The following MTNAP1 variants were observed in gnomAD, a reference collection of about 807,000 sequenced individuals.
MTNAP1 encodes the protein mitochondrial nucleoid-associated protein 1.
the MTNAP1 span, among the ~76,000 whole-genome samples, chr17:73,238,281 TCG>T: frequency 2.4e-4 from 9 of 38,280 alleles, no homozygotes; most frequent in Middle Eastern, 0.013. Flanking sequence ...AGCATACCTG[TCG>T]TTTGTAAAGT....
At chr17:73,244,559 C>CAAAAAAAAAA in the MTNAP1 span, 5 of 77,276 alleles carry the variant, frequency 6.5e-5, no homozygotes, top group Non-Finnish European at 9.4e-5. Flanking sequence ...AACTGCATCT[C>CAAAAAAAAAA]AAAAAAAAAA....
chr17:73,232,513 G>A, the MTNAP1 span: 4 of 478,752 alleles, frequency 8.4e-6, no homozygotes, highest in Admixed American at 1.6e-4. Flanking sequence ...GTCAAGCCAG[G>A]TTTCAAATAA....
At chr17:73,236,043 A>C in the MTNAP1 span, 2 of 1,614,056 alleles carry the variant, frequency 1.2e-6, no homozygotes, top group Non-Finnish European at 1.7e-6. Flanking sequence ...ATCAAGATAG[A>C]AAATATTCCT....
the MTNAP1 span, chr17:73,245,344 T>C: frequency 7.2e-7 from 1 of 1,381,172 alleles, no homozygotes. Flanking sequence ...GAATCTAAAA[T>C]AATGATACAG....
At chr17:73,243,093 T>TTTTGTTTTTTTTTTGTTTTTTTTTTG in the MTNAP1 span, 4 of 991,216 alleles carry the variant, frequency 4.0e-6, no homozygotes, top group African/African-American at 6.8e-5. Context: ...TTTTTTTTTT[T>TTTTGTTTTTTTTTTGTTTTTTTTTTG]TTTTTTTTAC....
At chr17:73,245,448 TTTTG>T in the MTNAP1 span, 1 of 1,160,898 alleles carries the variant, frequency 8.6e-7, no homozygotes, top group Non-Finnish European at 1.1e-6. Context: ...GAAAAACTAG[TTTTG>T]TTTAACCATA....
At chr17:73,236,634 T>G in the MTNAP1 span, 1 of 1,614,136 alleles carries the variant, frequency 6.2e-7, no homozygotes, top group Non-Finnish European at 8.5e-7. Context: ...CAACATTTCT[T>G]CAAGAAAAGA....
the MTNAP1 span, among the ~76,000 whole-genome samples, chr17:73,235,127 C>CAG: frequency 2.6e-5 from 4 of 151,530 alleles, no homozygotes; most frequent in African/African-American, 7.3e-5. Context: ...GAGGCTGAGA[C>CAG]GAGAATTGCT....
At chr17:73,246,577 G>A in the MTNAP1 span, among the ~76,000 whole-genome samples, 2 of 152,200 alleles carry the variant, frequency 1.3e-5, no homozygotes, top group Non-Finnish European at 2.9e-5. Flanking sequence ...CAGCCAGCAT[G>A]TGTTGACTTG....
chr17:73,241,730 G>C, the MTNAP1 span, among the ~76,000 whole-genome samples: 1 of 152,280 alleles, frequency 6.6e-6, no homozygotes, highest in East Asian at 1.9e-4. Context: ...AGGAGTTCAA[G>C]ACCAGCCTGG....
chr17:73,239,555 G>T, the MTNAP1 span, among the ~76,000 whole-genome samples: 14 of 134,722 alleles, frequency 1.0e-4, no homozygotes, highest in Non-Finnish European at 1.5e-4. Context: ...GTCTTGCTCT[G>T]TCTCCCAGGC....
chr17:73,236,830 G>C, the MTNAP1 span: 1 of 1,614,090 alleles, frequency 6.2e-7, no homozygotes, highest in Non-Finnish European at 8.5e-7. Context: ...TCATGCTGCA[G>C]CTGCTGGCAG....
chr17:73,236,386 C>T, the MTNAP1 span: 2 of 1,614,048 alleles, frequency 1.2e-6, no homozygotes, highest in Admixed American at 1.7e-5. Context: ...AGGACTTACC[C>T]TGGGAGTAGA....
chr17:73,234,980 C>G, the MTNAP1 span, among the ~76,000 whole-genome samples: 1 of 152,076 alleles, frequency 6.6e-6, no homozygotes, highest in African/African-American at 2.4e-5. Flanking sequence ...CTTTAGGGGG[C>G]TGAGGTGGGT....
chr17:73,243,793 A>C, the MTNAP1 span, among the ~76,000 whole-genome samples: 1 of 152,062 alleles, frequency 6.6e-6, no homozygotes, highest in African/African-American at 2.4e-5. Flanking sequence ...TCGGCCTCCC[A>C]AAGTGCTGGA....
the MTNAP1 span, among the ~76,000 whole-genome samples, chr17:73,239,664 G>T: frequency 6.6e-6 from 1 of 151,620 alleles, no homozygotes; most frequent in Non-Finnish European, 1.5e-5. Flanking sequence ...GATTACAGGT[G>T]CCTGCCACCA....
chr17:73,242,928 A>T, the MTNAP1 span: 1 of 1,613,948 alleles, frequency 6.2e-7, no homozygotes, highest in Non-Finnish European at 8.5e-7. Context: ...CATAAGGAAG[A>T]GTGGATTCGG....
chr17:73,245,496 A>G, the MTNAP1 span: 1 of 985,282 alleles, frequency 1.0e-6, no homozygotes, highest in African/African-American at 1.7e-5. Flanking sequence ...AAGATGACAA[A>G]GTTCATCACT....
At chr17:73,237,068 T>C in the MTNAP1 span, 20 of 1,341,788 alleles carry the variant, frequency 1.5e-5, no homozygotes, top group Admixed American at 2.6e-5. Context: ...TTTATAAGGG[T>C]CAAAATACTA....
Sources: allele counts gnomAD v4.1 joint callset (sites outside exome capture counted in the v4.1 genomes callset), GRCh38; gene constraint gnomAD v4.1.1; transcripts MANE v1.5; gene names NCBI Gene and HGNC (gene_info 2026-07-23, HGNC 2026-07-21).